TRIM9: variants seen among roughly 807,000 people sequenced by gnomAD.
The protein encoded by TRIM9 is tripartite motif containing 9.
TRIM9 carries 26 observed loss-of-function variants against 78.3 expected under a neutral mutation model. The observed-to-expected ratio is 0.33, with a 90% CI of 0.24 to 0.46. TRIM9 has a LOEUF of 0.46. TRIM9 is among the 20% of genes least tolerant of loss of function. TRIM9 has a pLI of 1.00. For synonymous variants in TRIM9, 398 were observed against 416.5 expected (o/e 0.96, Z 0.54); for missense variants, 787 against 1,036.4 (o/e 0.76, Z 3.30).
Position 50,979,392 on chromosome 14 carries a change from C to A in TRIM9, c.2320G>T (p.Val774Leu). 6.2e-7 allele frequency: 1 copy of A among 1,614,196 alleles called. No individual in the cohort carries two copies. The highest frequency in any genetic ancestry group is 8.5e-7 in the Non-Finnish European group (1 of 1,180,030). The stretch of plus-strand genomic sequence containing the variant: ...CTCAGGGGCAGGGTGCTTACCTGCA[C>A]GTTCCTGTTCAGGCTGACCGCAGGG... ...FFPAVSLNRN[V>L]QVTLHTGLPV... Residue 774 changes from valine (V) to leucine (L), a missense_variant, in exon 12 of 13, where the codon GTG (valine) becomes TTG (leucine). Val to Leu is a conservative substitution (Grantham distance 32). Coordinates refer to ENST00000684578, the MANE Select transcript of TRIM9 (RefSeq NM_001387360.1).
At chr14:51,071,213 C>T (rs2062205575) in intron 1 of TRIM9, among the ~76,000 whole-genome samples, 1 of 151,582 alleles carries the variant, frequency 6.6e-6, no homozygotes, top group Non-Finnish European at 1.5e-5. Context: ...CCTATCTCTA[C>T]TAAAAATACA....
chr14:51,028,559 A>G lies in TRIM9; in HGVS notation c.823-3199T>C, dbSNP rs1217074759. ...GCAGTGCTGGAAATTTATGACCAGAACAATGAAGATGCAAATATGTAGTAT... is the reference window on the plus strand; with the variant it reads ...GCAGTGCTGGAAATTTATGACCAGAGCAATGAAGATGCAAATATGTAGTAT... On this transcript the variant is annotated intron_variant, in intron 1 of 12. Transcript: ENST00000684578. 7.9e-5 allele frequency among the ~76,000 whole-genome samples: 12 copies of G among 152,272 alleles called. No homozygotes were observed. The East Asian group carries it at 2.3e-3, about 29-fold the overall frequency.
At chr14:51,044,335 T>C (rs1020975445) in intron 1 of TRIM9, among the ~76,000 whole-genome samples, 1 of 152,172 alleles carries the variant, frequency 6.6e-6, no homozygotes, top group Non-Finnish European at 1.5e-5. Flanking sequence ...TCTTCTTCCA[T>C]CCTAACCCAT....
chr14:51,086,644 C>G (rs900495591), intron 1 of TRIM9, among the ~76,000 whole-genome samples: 3 of 152,106 alleles, frequency 2.0e-5, no homozygotes, highest in African/African-American at 7.2e-5. Flanking sequence ...CTCACAGAAG[C>G]AATTATAATA....
chr14:51,087,343 G>A (rs2063855782), intron 1 of TRIM9, among the ~76,000 whole-genome samples: 1 of 152,124 alleles, frequency 6.6e-6, no homozygotes, highest in Non-Finnish European at 1.5e-5. Flanking sequence ...TTAAAAAGAA[G>A]GCAAAACCAG....
intron 3 of TRIM9, among the ~76,000 whole-genome samples, chr14:51,020,551 G>A (rs1026952649): frequency 2.0e-5 from 3 of 152,208 alleles, no homozygotes; most frequent in Admixed American, 6.5e-5. Context: ...AAATGCATCC[G>A]CATTCCCTGC....
At chr14:51,029,835 G>A (rs1256202538) in intron 1 of TRIM9, among the ~76,000 whole-genome samples, 1 of 152,066 alleles carries the variant, frequency 6.6e-6, no homozygotes, top group East Asian at 1.9e-4. Flanking sequence ...CTCATCTGAT[G>A]GCAAACTCAT....
At chr14:51,011,362 T>G (rs926050437) in intron 3 of TRIM9, among the ~76,000 whole-genome samples, 1 of 152,194 alleles carries the variant, frequency 6.6e-6, no homozygotes, top group African/African-American at 2.4e-5. Context: ...TGCCTATATA[T>G]TTTTTTATTT....
At chr14:51,035,838 G>C (rs1230081206) in intron 1 of TRIM9, among the ~76,000 whole-genome samples, 2 of 152,178 alleles carry the variant, frequency 1.3e-5, no homozygotes, top group African/African-American at 4.8e-5. Context: ...GCATATTTTT[G>C]AACCTCAGTT....
intron 7 of TRIM9, chr14:50,996,432 G>A: frequency 1.0e-6 from 1 of 985,386 alleles, no homozygotes; most frequent in Non-Finnish European, 1.2e-6. Flanking sequence ...AAGTGCTCAG[G>A]CTGTTATGCT....
intron 1 of TRIM9, among the ~76,000 whole-genome samples, chr14:51,073,526 C>T (rs1200431702): frequency 1.3e-5 from 2 of 152,132 alleles, no homozygotes; most frequent in African/African-American, 4.8e-5. Context: ...TATCTTTGAG[C>T]AAGAGAAGCC....
chr14:51,032,829 A>G (rs1365325210), intron 1 of TRIM9, among the ~76,000 whole-genome samples: 1 of 152,248 alleles, frequency 6.6e-6, no homozygotes, highest in Non-Finnish European at 1.5e-5. Context: ...TTAAAATTCA[A>G]TAAGTAGTAC....
chr14:51,037,347 C>A (rs1425977177), intron 1 of TRIM9, among the ~76,000 whole-genome samples: 1 of 152,150 alleles, frequency 6.6e-6, no homozygotes, highest in East Asian at 1.9e-4. Context: ...GAATACTATT[C>A]TTAGATGGAA....
At chr14:51,060,579 G>A (rs751638868) in intron 1 of TRIM9, among the ~76,000 whole-genome samples, 24 of 151,940 alleles carry the variant, frequency 1.6e-4, no homozygotes, top group Non-Finnish European at 1.6e-4. Context: ...CCATTCTCCT[G>A]CCTCAGCCTC....
At chr14:51,052,042 AAGAAGAGAAG>A (rs36204061) in intron 1 of TRIM9, among the ~76,000 whole-genome samples, 3 of 149,716 alleles carry the variant, frequency 2.0e-5, no homozygotes, top group Middle Eastern at 3.4e-3. Flanking sequence ...GGGGAGGGAA[AAGAAGAGAAG>A]AGAAGAGAAG....
At chr14:51,002,130 TC>T (rs1375718796) in intron 5 of TRIM9, among the ~76,000 whole-genome samples, 98 of 152,264 alleles carry the variant, frequency 6.4e-4, no homozygotes, top group African/African-American at 2.2e-3. Flanking sequence ...TGTGTGTTTT[TC>T]TTTTTTTTGA....
At chr14:50,982,345 C>T in intron 10 of TRIM9, 1 of 552,064 alleles carries the variant, frequency 1.8e-6, no homozygotes. Flanking sequence ...GCACTCCCAA[C>T]CAGGTGATCC....
intron 9 of TRIM9, among the ~76,000 whole-genome samples, chr14:50,983,173 TG>T (rs1226149220): frequency 1.3e-5 from 2 of 152,182 alleles, no homozygotes; most frequent in African/African-American, 2.4e-5. Context: ...AAAAGAAAAC[TG>T]GGGGAAAAGT....
intron 7 of TRIM9, among the ~76,000 whole-genome samples, chr14:50,992,707 C>A (rs2053677007): frequency 6.6e-6 from 1 of 152,160 alleles, no homozygotes; most frequent in Non-Finnish European, 1.5e-5. Flanking sequence ...TGCACCATTA[C>A]ATCTTTTCTG....
Sources: allele counts gnomAD v4.1 joint callset (sites outside exome capture counted in the v4.1 genomes callset), GRCh38; gene constraint gnomAD v4.1.1; transcripts MANE v1.5; gene names NCBI Gene and HGNC (gene_info 2026-07-23, HGNC 2026-07-21).